PRELID2: variants seen among roughly 807,000 people sequenced by gnomAD.
The protein encoded by PRELID2 is PRELI domain containing 2, also known as PRELI domain-containing protein 2.
Under a neutral mutation model 28.4 loss-of-function variants are expected in PRELID2, and 25 were observed. That is an observed-to-expected ratio of 0.88 (90% CI 0.64 to 1.23). PRELID2 has a LOEUF of 1.23. PRELID2 is among the 50% of genes most tolerant of loss of function. The pLI is 0.00. For synonymous variants in PRELID2, 76 were observed against 71.6 expected (o/e 1.06, Z -0.31); for missense variants, 201 against 214.4 (o/e 0.94, Z 0.39).
chr5:145,659,871 T>C (rs988314813), intron 1 of PRELID2, among the ~76,000 whole-genome samples: 3 of 152,162 alleles, frequency 2.0e-5, no homozygotes, highest in Non-Finnish European at 4.4e-5. Flanking sequence ...ATATTTAGCA[T>C]TGAAATATGG....
the PRELID2 span, among the ~76,000 whole-genome samples, chr5:145,462,958 C>A: frequency 6.6e-6 from 1 of 152,080 alleles, no homozygotes; most frequent in African/African-American, 2.4e-5. Flanking sequence ...TTTGACTGTA[C>A]CTTCTGCTTC....
intron 1 of PRELID2, among the ~76,000 whole-genome samples, chr5:145,832,944 A>AT (rs1327938709): frequency 6.6e-6 from 1 of 152,032 alleles, no homozygotes; most frequent in Non-Finnish European, 1.5e-5. Context: ...AGCACCATGT[A>AT]TTTTCCTTTC....
At chr5:145,641,526 TTTTAC>T (rs1404905780) in intron 1 of PRELID2, among the ~76,000 whole-genome samples, 5 of 152,234 alleles carry the variant, frequency 3.3e-5, no homozygotes, top group African/African-American at 7.2e-5. Context: ...ATTATTATTA[TTTTAC>T]TTTAAGTTCT....
At chr5:145,446,231 T>G in the PRELID2 span, among the ~76,000 whole-genome samples, 92 of 152,162 alleles carry the variant, frequency 6.0e-4, no homozygotes, top group African/African-American at 2.0e-3. Flanking sequence ...AACATCACCA[T>G]GTACCCCATC....
chr5:145,680,617 C>T (rs985560853), intron 1 of PRELID2, among the ~76,000 whole-genome samples: 1 of 152,160 alleles, frequency 6.6e-6, no homozygotes, highest in Non-Finnish European at 1.5e-5. Flanking sequence ...CAAAAACAAT[C>T]GGAAACACAA....
the PRELID2 span, among the ~76,000 whole-genome samples, chr5:145,432,885 A>G: frequency 4.0e-4 from 61 of 152,264 alleles, no homozygotes; most frequent in African/African-American, 1.3e-3. Context: ...TTTGTCCCCA[A>G]TTAAAGTTCA....
the PRELID2 span, among the ~76,000 whole-genome samples, chr5:145,326,003 A>G: frequency 2.0e-5 from 3 of 152,066 alleles, no homozygotes; most frequent in African/African-American, 7.2e-5. Context: ...ACAACACACA[A>G]TTGGAAGACT....
At chr5:145,499,057 G>A (rs1752335665) in intron 1 of PRELID2, among the ~76,000 whole-genome samples, 1 of 152,040 alleles carries the variant, frequency 6.6e-6, no homozygotes, top group Non-Finnish European at 1.5e-5. Flanking sequence ...AGACCAGCCT[G>A]GGCAACATAG....
chr5:145,741,261 T>C (rs1471296900), intron 1 of PRELID2, among the ~76,000 whole-genome samples: 37 of 113,234 alleles, frequency 3.3e-4, no homozygotes, highest in Non-Finnish European at 5.8e-4. Flanking sequence ...ATATAAATAA[T>C]ATATATTTAT....
intron 1 of PRELID2, among the ~76,000 whole-genome samples, chr5:145,526,478 G>A (rs551314758): frequency 3.6e-4 from 55 of 152,300 alleles, no homozygotes; most frequent in African/African-American, 1.2e-3. Flanking sequence ...TGGAGAGGCT[G>A]GAGAGCAAGC....
intron 1 of PRELID2, among the ~76,000 whole-genome samples, chr5:145,554,120 C>T (rs1183701032): frequency 6.6e-6 from 1 of 152,098 alleles, no homozygotes; most frequent in African/African-American, 2.4e-5. Context: ...AAAATGAGTT[C>T]AAGAGGGAGT....
the PRELID2 span, among the ~76,000 whole-genome samples, chr5:145,334,815 C>G: frequency 6.8e-6 from 1 of 146,478 alleles, no homozygotes; most frequent in Admixed American, 6.9e-5. Flanking sequence ...GCAGCTCACT[C>G]TTTCTTGGAG....
the PRELID2 span, among the ~76,000 whole-genome samples, chr5:145,308,088 A>T: frequency 6.6e-6 from 1 of 152,116 alleles, no homozygotes; most frequent in Non-Finnish European, 1.5e-5. Flanking sequence ...GCCACCACTA[A>T]CTACTCTAGC....
chr5:145,229,065 G>A, the PRELID2 span: 1 of 1,576,414 alleles, frequency 6.3e-7, no homozygotes, highest in Non-Finnish European at 8.7e-7. Context: ...ACTGTATGAG[G>A]ACCACTACCT....
chr5:145,791,877 C>T lies in PRELID2; in HGVS notation c.474+4565G>A, dbSNP rs539462639. ...GTCATTACAGTAAAAATGGGTGAAA[C>T]GTTAGCTAACACACTGTCAACCTGC... On this transcript the variant is annotated intron_variant, in intron 5 of 6. Transcript: ENST00000683046. Among the ~76,000 whole-genome samples, 12 of 152,174 alleles carry T rather than the reference C, an allele frequency of 7.9e-5. 1 individual carries two copies. The East Asian group carries it at 2.1e-3, about 27-fold the overall frequency.
chr5:145,600,825 T>A, intron 1 of PRELID2, among the ~76,000 whole-genome samples: 1 of 152,106 alleles, frequency 6.6e-6, no homozygotes, highest in Non-Finnish European at 1.5e-5. Flanking sequence ...CATGTATGTA[T>A]GAAATGTTTA....
rs548846313 is a variant in PRELID2, at chr5:145,524,953, G to A, written n.71-51638C>T. On this transcript the variant is annotated intron_variant and non_coding_transcript_variant, in intron 1 of 2. Coordinates refer to the PRELID2 transcript ENST00000510259. ...CTCTGTTACATAGGAAGAGTTTGAC[G>A]CAAGTTAGCTAATTATATTTTCCTC... is the stretch of plus-strand genomic sequence containing the variant. Among the ~76,000 whole-genome samples the A allele has an allele frequency of 3.3e-5, 5 of 152,230 alleles. No homozygotes were observed. The East Asian group carries it at 9.7e-4, about 29-fold the overall frequency.
chr5:145,434,896 G>C, the PRELID2 span, among the ~76,000 whole-genome samples: 1 of 152,172 alleles, frequency 6.6e-6, no homozygotes, highest in Non-Finnish European at 1.5e-5. Flanking sequence ...TGTATGCAGT[G>C]GGGGAAGAAG....
chr5:145,581,606 T>G (rs1380954428), intron 1 of PRELID2, among the ~76,000 whole-genome samples: 2 of 152,002 alleles, frequency 1.3e-5, no homozygotes, highest in Non-Finnish European at 2.9e-5. Flanking sequence ...AATCTTTAAT[T>G]CCATCCATGT....
Sources: gnomAD v4.1 joint callset for allele counts (sites outside exome capture counted in the v4.1 genomes callset) on GRCh38, gnomAD v4.1.1 for gene constraint, MANE v1.5 for transcripts, NCBI Gene and HGNC (gene_info 2026-07-23, HGNC 2026-07-21) for gene names.